TOLLIP: variants seen among roughly 807,000 people sequenced by gnomAD.
The protein encoded by TOLLIP is toll interacting protein.
TOLLIP carries 16 observed loss-of-function variants against 33.5 expected under a neutral mutation model. The ratio of observed to expected loss-of-function variants is 0.48; its 90% CI spans 0.32 to 0.72. The LOEUF is 0.72. Among genes scored for constraint, TOLLIP ranks in the 30% least tolerant of loss-of-function variants. TOLLIP has a pLI of 0.03. For synonymous variants in TOLLIP, 176 were observed against 163.7 expected, an observed-to-expected ratio of 1.07 and a Z score of -0.57; for missense variants, 325 against 396.6, an observed-to-expected ratio of 0.82 and a Z score of 1.53.
At chr11:1,293,849 T>C (rs1864026346) in intron 2 of TOLLIP, among the ~76,000 whole-genome samples, 1 of 152,196 alleles carries the variant, frequency 6.6e-6, no homozygotes, top group Non-Finnish European at 1.5e-5. Flanking sequence ...GGCACAGGAA[T>C]GCATGGGCTT....
At chr11:1,287,536 CCTCACCGCCGCAG>C in intron 4 of TOLLIP, among the ~76,000 whole-genome samples, 1 of 13,980 alleles carries the variant, frequency 7.2e-5, no homozygotes, top group East Asian at 1.0e-3. Flanking sequence ...CCCGCCGCAG[CCTCACCGCCGCAG>C]CCTCCCCGCC....
chr11:1,280,792 C>T (rs1205031959), intron 5 of TOLLIP, among the ~76,000 whole-genome samples: 3 of 152,198 alleles, frequency 2.0e-5, no homozygotes, highest in Non-Finnish European at 4.4e-5. Flanking sequence ...GCACCACCTT[C>T]CACCTCAGCG....
At chr11:1,297,538 G>A (rs959047280) in intron 1 of TOLLIP, among the ~76,000 whole-genome samples, 15 of 152,224 alleles carry the variant, frequency 9.9e-5, no homozygotes, top group African/African-American at 3.1e-4. Flanking sequence ...GTGCTCAACC[G>A]CTCTTCTCTA....
At chr11:1,284,171 A>G (rs895408020) in intron 5 of TOLLIP, among the ~76,000 whole-genome samples, 4 of 152,174 alleles carry the variant, frequency 2.6e-5, no homozygotes, top group African/African-American at 7.2e-5. Context: ...TGGGGCTCCC[A>G]TGCTCGCCCC....
Position 1,275,096 on chromosome 11 carries a change from G to C in TOLLIP, c.*1943C>G, listed in dbSNP as rs1335881373. 1 of 152,254 alleles carries C rather than the reference G, an allele frequency of 6.6e-6. No individual in the cohort carries two copies. Among genetic ancestry groups the C allele is most frequent in the African/African-American group, 2.4e-5 (1 of 41,470 alleles). 9.4% of individuals were successfully genotyped at this position (152,254 alleles called of 1,614,324 possible). On this transcript the variant is annotated 3_prime_UTR_variant, in exon 6 of 6. Transcript: ENST00000317204. ...AAAACTAAGAGATGGCGGCAAGCGT[G>C]GTCATCGGCAAAGGGTTGCTCTCCC...
chr11:1,303,467 T>A lies in TOLLIP; in HGVS notation c.33+5999A>T, dbSNP rs1478560358. ...TGCTGGGGCACCCCTGCTCCTGGGA[T>A]GCTTACACGTGAGTGGAAGAAGACA... On this transcript the variant is annotated intron_variant, in intron 1 of 5. Transcript: ENST00000317204. The surrounding 1 kb of genome is among the most constrained non-coding windows in gnomAD (Gnocchi z 4.2). Among the ~76,000 whole-genome samples the A allele has an allele frequency of 6.6e-6, 1 of 152,198 alleles. No individual in the cohort carries two copies. The highest frequency in any genetic ancestry group is 1.5e-5 in the Non-Finnish European group (1 of 68,048).
intron 5 of TOLLIP, among the ~76,000 whole-genome samples, chr11:1,284,232 C>T (rs1863605102): frequency 6.6e-6 from 1 of 152,198 alleles, no homozygotes; most frequent in Non-Finnish European, 1.5e-5. Context: ...TGCCCACCCT[C>T]CTCTAACTCT....
rs1863681181 is a variant in TOLLIP at position 1,286,040 on chromosome 11, G to A, written c.572C>T (p.Thr191Ile). 1.2e-6 allele frequency: 2 copies of A among 1,600,436 alleles called. No homozygotes were observed. Among genetic ancestry groups the A allele is most frequent in the Admixed American group, 1.7e-5 (1 of 57,538 alleles). The change falls in exon 5 of 6, where the codon ACA (threonine) becomes ATA (isoleucine). Residue 191 changes from threonine (T) to isoleucine (I), a missense_variant. Thr to Ile is a moderately conservative substitution (Grantham distance 89). Coordinates refer to ENST00000317204, the MANE Select transcript of TOLLIP (RefSeq NM_019009.4). ...MPPQPVVLMPTVYQQGVGYVP... is the reference protein window; with the variant it reads ...MPPQPVVLMPIVYQQGVGYVP... ...ATAGCCAACGCCCTGCTGGTACACT[G>A]TTGGCATCAGGACCACGGGCTGGGG... is the stretch of plus-strand genomic sequence containing the variant.
intron 2 of TOLLIP, among the ~76,000 whole-genome samples, chr11:1,292,680 G>A (rs1324431343): frequency 6.6e-6 from 1 of 152,248 alleles, no homozygotes; most frequent in African/African-American, 2.4e-5. Flanking sequence ...GGGGACACAC[G>A]GGCACCGCTG....
chr11:1,290,332 C>G lies in TOLLIP; in HGVS notation c.261G>C (p.Glu87Asp), dbSNP rs1255659666. ...CRLRLGYAVYETPTAHNGAKN... is the reference protein window; with the variant it reads ...CRLRLGYAVYDTPTAHNGAKN... ...TGGCGCCATTGTGTGCCGTGGGCGTCTCGTACACCGCGTAGCCCAGGCGCA... is the reference window on the plus strand; with the variant it reads ...TGGCGCCATTGTGTGCCGTGGGCGTGTCGTACACCGCGTAGCCCAGGCGCA... The change falls in exon 3 of 6, where the codon GAG (glutamate) becomes GAC (aspartate). Residue 87 changes from glutamate (E) to aspartate (D), a missense_variant. Transcript: ENST00000317204. The surrounding 1 kb of genome is among the most constrained non-coding windows in gnomAD (Gnocchi z 4.9). 1 of 1,613,644 alleles carries G rather than the reference C, an allele frequency of 6.2e-7. No homozygotes were observed. Among genetic ancestry groups the G allele is most frequent in the Non-Finnish European group, 8.5e-7 (1 of 1,179,984 alleles).
chr11:1,302,634 AC>A (rs1189855442), intron 1 of TOLLIP: 1 of 987,250 alleles, frequency 1.0e-6, no homozygotes, highest in Non-Finnish European at 1.2e-6. Context: ...CACGCTCCAC[AC>A]CAGCCTCCTG....
chr11:1,282,726 C>T (rs1863544521), intron 5 of TOLLIP, among the ~76,000 whole-genome samples: 1 of 151,828 alleles, frequency 6.6e-6, no homozygotes, highest in Admixed American at 6.6e-5. Flanking sequence ...CACACGGATA[C>T]ATATGTAACA....
intron 2 of TOLLIP, among the ~76,000 whole-genome samples, chr11:1,292,747 C>A (rs539001180): frequency 6.6e-6 from 1 of 152,196 alleles, no homozygotes; most frequent in Non-Finnish European, 1.5e-5. Flanking sequence ...TGGGGACACA[C>A]GGGCACCGCT....
At position 1,309,456 on chromosome 11, in the gene TOLLIP, G is replaced by A. The variant is rs1371943853; in HGVS notation, c.33+10C>T. The A allele has an allele frequency of 3.0e-6, 4 of 1,315,712 alleles. No homozygotes were observed. The highest frequency in any genetic ancestry group is 1.9e-5 in the South Asian group (1 of 53,864). 81.5% of individuals were successfully genotyped at this position (1,315,712 alleles called of 1,614,324 possible). On this transcript the variant is annotated intron_variant, in intron 1 of 5. Coordinates refer to ENST00000317204, the MANE Select transcript of TOLLIP (RefSeq NM_019009.4). Reference sequence around the variant, plus strand: ...ACCGCCCCCGCCCGACCCTCGCCCGGCTGCCTCACCGGCCCGCGCTGAGTG... The same window carrying A: ...ACCGCCCCCGCCCGACCCTCGCCCGACTGCCTCACCGGCCCGCGCTGAGTG...
At chr11:1,280,928 TG>T (rs1863477914) in intron 5 of TOLLIP, among the ~76,000 whole-genome samples, 1 of 152,206 alleles carries the variant, frequency 6.6e-6, no homozygotes, top group African/African-American at 2.4e-5. Flanking sequence ...GCACCCGCGC[TG>T]GTCTCTCACG....
chr11:1,285,180 C>A (rs1293015085), intron 5 of TOLLIP, among the ~76,000 whole-genome samples: 6 of 152,206 alleles, frequency 3.9e-5, no homozygotes, highest in African/African-American at 1.4e-4. Context: ...GCATCCCTAG[C>A]GCCCTGCCCG....
In TOLLIP at chr11:1,303,248, C is replaced by T. The variant is rs1006222284; in HGVS notation, c.33+6218G>A. Reference sequence around the variant, plus strand: ...CAGCCTTGCATCCTAAGTGCTGGGACGGTCAAGCAAGGCAGAGGCGGAAAA... The same window carrying T: ...CAGCCTTGCATCCTAAGTGCTGGGATGGTCAAGCAAGGCAGAGGCGGAAAA... On this transcript the variant is annotated intron_variant, in intron 1 of 5. Coordinates refer to ENST00000317204, the MANE Select transcript of TOLLIP (RefSeq NM_019009.4). The surrounding 1 kb of genome is among the most constrained non-coding windows in gnomAD (Gnocchi z 4.2). 1.3e-5 allele frequency among the ~76,000 whole-genome samples: 2 copies of T among 152,106 alleles called. No homozygotes were observed. The highest frequency in any genetic ancestry group is 1.9e-4 in the East Asian group (1 of 5,170).
At chr11:1,288,986 C>T (rs1234738083) in intron 3 of TOLLIP, among the ~76,000 whole-genome samples, 2 of 152,228 alleles carry the variant, frequency 1.3e-5, no homozygotes. Flanking sequence ...TCCCTCTCTC[C>T]ACCAGGATGG....
chr11:1,289,752 C>T (rs543755972), intron 3 of TOLLIP, among the ~76,000 whole-genome samples: 83 of 142,864 alleles, frequency 5.8e-4, no homozygotes, highest in African/African-American at 2.0e-3. Flanking sequence ...CCCAGCGGGG[C>T]GGACACATGC....
Sources: allele counts gnomAD v4.1 joint callset (sites outside exome capture counted in the v4.1 genomes callset), GRCh38; gene constraint gnomAD v4.1.1; non-coding constraint Gnocchi (gnomAD v3.1); transcripts MANE v1.5; gene names NCBI Gene and HGNC (gene_info 2026-07-23, HGNC 2026-07-21).